The following ZC4H2 variants were observed in gnomAD, a reference collection of about 807,000 sequenced individuals.
ZC4H2 encodes zinc finger C4H2 domain-containing protein.
For synonymous variants in ZC4H2, 84 were observed against 66.3 expected (o/e 1.27, Z -1.30); for missense variants, 137 against 173.9 (o/e 0.79, Z 1.19).
chrX:64,996,384 A>C (rs1475476313), intron 1 of ZC4H2, among the ~76,000 whole-genome samples: 1 of 111,019 alleles, frequency 9.0e-6, no homozygotes, highest in African/African-American at 3.3e-5. Context: ...AGAAATAATC[A>C]GATTTCCAGA....
chrX:64,965,621 A>C lies in ZC4H2; in HGVS notation c.53+10704T>G, dbSNP rs1017313929. On this transcript the variant is annotated intron_variant, in intron 1 of 4. Coordinates refer to ENST00000374839, the MANE Select transcript of ZC4H2 (RefSeq NM_018684.4). ...TCACAATCCATAAAAAATACTGATA[A>C]ATTGGATTTCTTCATCAACATTAAA... is the stretch of plus-strand genomic sequence containing the variant. 5 of 250,896 alleles carry C rather than the reference A, an allele frequency of 2.0e-5. No individual in the cohort carries two copies. In the Admixed American group the frequency reaches 2.7e-4, roughly 14 times the overall value. 20.7% of individuals were successfully genotyped at this position (250,896 alleles called of 1,213,427 possible).
rs184467070 is a variant in ZC4H2 at position 64,941,758 on chromosome X, G to A, written c.54-19770C>T. 2.2e-3 allele frequency among the ~76,000 whole-genome samples: 252 copies of A among 112,165 alleles called. 2 individuals carry two copies. The highest frequency in any genetic ancestry group is 6.9e-3 in the African/African-American group (214 of 30,901). ...GGGATGAAACCAACCTGATCATGGT[G>A]AATGAGCTTTTTGATGTGCTGCTGG... On this transcript the variant is annotated intron_variant, in intron 1 of 4. Transcript: ENST00000374839.
intron 1 of ZC4H2, among the ~76,000 whole-genome samples, chrX:65,030,399 C>T (rs1432637379): frequency 1.8e-5 from 2 of 111,845 alleles, no homozygotes; most frequent in Non-Finnish European, 3.8e-5. Flanking sequence ...AGGAGTGAAC[C>T]ACTGTGTCTA....
intron 1 of ZC4H2, among the ~76,000 whole-genome samples, chrX:65,011,708 T>A (rs1022881695): frequency 1.1e-4 from 12 of 109,477 alleles, no homozygotes; most frequent in Non-Finnish European, 2.1e-4. Flanking sequence ...CATCTTTTTT[T>A]TTTGTATTTT....
At chrX:65,010,674 G>T (rs1438679270) in intron 1 of ZC4H2, among the ~76,000 whole-genome samples, 1 of 111,626 alleles carries the variant, frequency 9.0e-6, no homozygotes, top group Non-Finnish European at 1.9e-5. Context: ...TTTAGACTGA[G>T]TATGTCAGTA....
At chrX:64,950,374 C>A (rs1175608906) in intron 1 of ZC4H2, among the ~76,000 whole-genome samples, 1 of 111,473 alleles carries the variant, frequency 9.0e-6, no homozygotes, top group Non-Finnish European at 1.9e-5. Flanking sequence ...CTGCTCGGTG[C>A]AGAGATGAGT....
intron 1 of ZC4H2, among the ~76,000 whole-genome samples, chrX:64,989,189 C>G (rs920140636): frequency 8.9e-6 from 1 of 111,781 alleles, no homozygotes; most frequent in Non-Finnish European, 1.9e-5. Context: ...TTAGGATTGA[C>G]TTGGCAATGC....
At chrX:65,023,994 A>G (rs1396872668) in intron 1 of ZC4H2, among the ~76,000 whole-genome samples, 1 of 111,186 alleles carries the variant, frequency 9.0e-6, no homozygotes, top group Non-Finnish European at 1.9e-5. Flanking sequence ...TTCTCAGCAA[A>G]CTAACATAAG....
chrX:64,927,135 CTTTT>C (rs971450996), intron 1 of ZC4H2, among the ~76,000 whole-genome samples: 2 of 110,607 alleles, frequency 1.8e-5, no homozygotes, highest in Admixed American at 1.9e-4. Flanking sequence ...ATTTTTCTTT[CTTTT>C]TTTTATTATT....
chrX:64,965,744 T>C (rs987719508), intron 1 of ZC4H2, among the ~76,000 whole-genome samples: 12 of 109,652 alleles, frequency 1.1e-4, no homozygotes, highest in Non-Finnish European at 2.3e-4. Context: ...AAGACCACCC[T>C]GGGTAACATA....
intron 1 of ZC4H2, among the ~76,000 whole-genome samples, chrX:65,005,087 C>A (rs1932628704): frequency 9.0e-6 from 1 of 111,459 alleles, no homozygotes; most frequent in Non-Finnish European, 1.9e-5. Flanking sequence ...AGAGAGGATA[C>A]AAACAAATGG....
chrX:64,982,783 A>T (rs1205464516), intron 1 of ZC4H2, among the ~76,000 whole-genome samples: 1 of 112,207 alleles, frequency 8.9e-6, no homozygotes, highest in Admixed American at 9.4e-5. Context: ...CCACAAGGAA[A>T]AGATGGACAG....
At chrX:64,938,479 C>T (rs1363748136) in intron 1 of ZC4H2, among the ~76,000 whole-genome samples, 2 of 111,155 alleles carry the variant, frequency 1.8e-5, no homozygotes, top group African/African-American at 6.5e-5. Context: ...AGAGACACAA[C>T]AAAAAAGGGA....
At chrX:64,935,770 A>G (rs1259657362) in intron 1 of ZC4H2, among the ~76,000 whole-genome samples, 1 of 111,844 alleles carries the variant, frequency 8.9e-6, no homozygotes, top group Non-Finnish European at 1.9e-5. Flanking sequence ...ACATAAAGGA[A>G]TAACACATCC....
chrX:65,012,330 C>T (rs1183536922), intron 1 of ZC4H2, among the ~76,000 whole-genome samples: 1 of 109,290 alleles, frequency 9.1e-6, no homozygotes, highest in Non-Finnish European at 1.9e-5. Flanking sequence ...AAGTCACATG[C>T]TTTAAAAAAA....
rs1159626735 is a variant in ZC4H2 at position 65,024,968 on chromosome X, C to A, written c.-272+9661G>T. On this transcript the variant is annotated intron_variant, in intron 1 of 4. Transcript: ENST00000337990. ...ATGCTCATTACTTGGTCTAATATAT[C>A]CACATAACAATCCTACACATGTACT... is the stretch of plus-strand genomic sequence containing the variant. Among the ~76,000 whole-genome samples, 6 of 110,352 alleles carry A rather than the reference C, an allele frequency of 5.4e-5. No homozygotes were observed. The South Asian group carries it at 2.3e-3, about 43-fold the overall frequency.
chrX:64,941,079 G>T (rs1930259684), intron 1 of ZC4H2, among the ~76,000 whole-genome samples: 1 of 111,597 alleles, frequency 9.0e-6, no homozygotes, highest in African/African-American at 3.3e-5. Flanking sequence ...TTGAGCAGTG[G>T]TTTGTAGTTC....
chrX:65,002,165 C>T (rs1005353865), intron 1 of ZC4H2, among the ~76,000 whole-genome samples: 9 of 112,146 alleles, frequency 8.0e-5, no homozygotes, highest in African/African-American at 2.9e-4. Context: ...CAACACAACA[C>T]ACTTATTCTA....
chrX:64,921,835 G>T lies in ZC4H2; in HGVS notation c.207C>A (p.Ile69=), dbSNP rs1305121019. Residue 69 remains isoleucine, a synonymous_variant, in exon 2 of 5, where the codon ATC becomes ATA. Coordinates refer to ENST00000374839, the MANE Select transcript of ZC4H2 (RefSeq NM_018684.4). Reference sequence around the variant, plus strand: ...CACGTACCACATTGATGTCAGCGTGGATCAGTCGGAGTTCCTCCACATGGG... The same window carrying T: ...CACGTACCACATTGATGTCAGCGTGTATCAGTCGGAGTTCCTCCACATGGG... ...KMAHVEELRL[I]HADINVMENT... 3 of 1,208,112 alleles carry T rather than the reference G, an allele frequency of 2.5e-6. No individual in the cohort carries two copies. The highest frequency in any genetic ancestry group is 3.4e-6 in the Non-Finnish European group (3 of 894,887).
Sources: allele counts gnomAD v4.1 joint callset (sites outside exome capture counted in the v4.1 genomes callset), GRCh38; gene constraint gnomAD v4.1.1; transcripts MANE v1.5; gene names NCBI Gene and HGNC (gene_info 2026-07-23, HGNC 2026-07-21).